The following TMEM132D variants were observed in gnomAD, a reference collection of about 807,000 sequenced individuals.
TMEM132D encodes mature OL transmembrane protein.
TMEM132D carries 21 observed loss-of-function variants against 62.3 expected under a neutral mutation model. The observed-to-expected ratio is 0.34, with a 90% CI of 0.24 to 0.49. The LOEUF (loss-of-function observed/expected upper bound fraction) is 0.49, where lower values mean the gene tolerates loss of function less well. TMEM132D is among the 20% of genes least tolerant of loss of function. The pLI is 0.99. For missense variants in TMEM132D, 1,346 were observed against 1,402.8 expected, an observed-to-expected ratio of 0.96 and a Z score of 0.65; for synonymous variants, 621 against 575.6, an observed-to-expected ratio of 1.08 and a Z score of -1.13.
chr12:129,474,440 T>C (rs1403727014), intron 3 of TMEM132D, among the ~76,000 whole-genome samples: 1 of 152,222 alleles, frequency 6.6e-6, no homozygotes, highest in African/African-American at 2.4e-5. Context: ...TGAGCTATTT[T>C]GCCCAAGTTC....
At chr12:129,271,109 A>G (rs532071127) in intron 4 of TMEM132D, among the ~76,000 whole-genome samples, 7 of 152,280 alleles carry the variant, frequency 4.6e-5, no homozygotes, top group African/African-American at 1.7e-4. Context: ...TCCCAAAGCA[A>G]TAGGTTTTAA....
rs147759449 is a variant in TMEM132D at position 129,443,102 on chromosome 12, G to A, written c.1115+87957C>T. 4.1e-3 allele frequency among the ~76,000 whole-genome samples: 625 copies of A among 152,250 alleles called. 10 individuals carry two copies. Among genetic ancestry groups the A allele is most frequent in the African/African-American group, 0.014 (595 of 41,544 alleles). ...CAGAGCTCCCCTTGGGGTCGGCTGA[G>A]GCTGTTGTTGAAACTGCCTCAGAGT... On this transcript the variant is annotated intron_variant, in intron 3 of 8. Transcript: ENST00000422113.
At chr12:129,170,251 G>T (rs1877684193) in intron 5 of TMEM132D, 4 of 152,200 alleles carry the variant, frequency 2.6e-5, no homozygotes, top group Admixed American at 1.3e-4. Context: ...TGGCAGCAAA[G>T]GTCCTTGGAG....
intron 2 of TMEM132D, among the ~76,000 whole-genome samples, chr12:129,563,264 C>A (rs982307708): frequency 1.6e-4 from 24 of 152,254 alleles, no homozygotes; most frequent in African/African-American, 5.8e-4. Flanking sequence ...TTCATAAAAC[C>A]TTCAAGATCT....
chr12:129,219,994 C>G (rs1879308629), intron 4 of TMEM132D, among the ~76,000 whole-genome samples: 1 of 152,150 alleles, frequency 6.6e-6, no homozygotes, highest in Non-Finnish European at 1.5e-5. Flanking sequence ...TATTTGTTCT[C>G]TAAAATATGT....
intron 2 of TMEM132D, among the ~76,000 whole-genome samples, chr12:129,595,718 T>A (rs948964823): frequency 6.6e-6 from 1 of 152,154 alleles, no homozygotes; most frequent in Non-Finnish European, 1.5e-5. Flanking sequence ...GGGGGCCAGA[T>A]GATAGGTGTG....
chr12:129,738,466 A>G (rs1471784067), intron 1 of TMEM132D, among the ~76,000 whole-genome samples: 1 of 152,234 alleles, frequency 6.6e-6, no homozygotes, highest in Non-Finnish European at 1.5e-5. Flanking sequence ...ATGCAACAAC[A>G]TACAGCAAGT....
intron 5 of TMEM132D, chr12:129,085,951 A>G (rs1052176297): frequency 3.9e-5 from 6 of 152,246 alleles, no homozygotes; most frequent in Non-Finnish European, 8.8e-5. Context: ...GGGAGACTAA[A>G]TAATAGCTCC....
At chr12:129,870,428 T>G (rs1453182960) in intron 1 of TMEM132D, among the ~76,000 whole-genome samples, 1 of 152,196 alleles carries the variant, frequency 6.6e-6, no homozygotes, top group Non-Finnish European at 1.5e-5. Flanking sequence ...TTTCATCGAC[T>G]GCCCTTACAT....
At chr12:129,817,806 G>A (rs1872400191) in intron 1 of TMEM132D, among the ~76,000 whole-genome samples, 1 of 143,318 alleles carries the variant, frequency 7.0e-6, no homozygotes, top group African/African-American at 2.6e-5. Flanking sequence ...GTGTGTGGGG[G>A]GGTCTGTGTG....
At chr12:129,258,132 G>A (rs527749727) in intron 4 of TMEM132D, among the ~76,000 whole-genome samples, 3 of 152,200 alleles carry the variant, frequency 2.0e-5, no homozygotes, top group East Asian at 3.9e-4. Context: ...AATCCTTTCC[G>A]GCTGGCTGAT....
At chr12:129,460,734 T>C (rs1201395198) in intron 3 of TMEM132D, among the ~76,000 whole-genome samples, 1 of 152,180 alleles carries the variant, frequency 6.6e-6, no homozygotes, top group Admixed American at 6.5e-5. Context: ...GAGTGCTATA[T>C]ATGACATGTT....
chr12:129,303,118 C>T (rs1210945784), intron 4 of TMEM132D, among the ~76,000 whole-genome samples: 2 of 152,166 alleles, frequency 1.3e-5, no homozygotes, highest in African/African-American at 4.8e-5. Flanking sequence ...CCAGTTTTCA[C>T]CATCAGGGTG....
chr12:129,231,113 A>C (rs1274408361), intron 4 of TMEM132D, among the ~76,000 whole-genome samples: 1 of 152,204 alleles, frequency 6.6e-6, no homozygotes, highest in Non-Finnish European at 1.5e-5. Context: ...ACCACATCAG[A>C]ATATAACCTT....
intron 2 of TMEM132D, among the ~76,000 whole-genome samples, chr12:129,629,121 T>C (rs978200912): frequency 5.3e-5 from 8 of 152,110 alleles, no homozygotes; most frequent in Admixed American, 1.3e-4. Flanking sequence ...TCTCACCACC[T>C]GCCTTCTACC....
intron 3 of TMEM132D, among the ~76,000 whole-genome samples, chr12:129,388,200 A>G: frequency 8.0e-6 from 1 of 125,766 alleles, no homozygotes; most frequent in Non-Finnish European, 1.8e-5. Flanking sequence ...AGACCAATTC[A>G]GCACTGATAA....
intron 3 of TMEM132D, among the ~76,000 whole-genome samples, chr12:129,361,775 T>C (rs1281011796): frequency 6.6e-6 from 1 of 152,220 alleles, no homozygotes; most frequent in East Asian, 1.9e-4. Flanking sequence ...TTTGTACTAC[T>C]TGATCCCCAC....
chr12:129,891,328 C>T (rs759706381), intron 1 of TMEM132D, among the ~76,000 whole-genome samples: 5 of 152,158 alleles, frequency 3.3e-5, no homozygotes, highest in Non-Finnish European at 7.3e-5. Context: ...CAACTCATCT[C>T]GGGGCAAAGG....
chr12:129,304,261 G>T lies in TMEM132D; in HGVS notation c.1299+33373C>A, dbSNP rs142978143. ...CTCTACACTTGCAACACCATGCAAAGACCAGGTCATGGCCTGAGCGATCCC... is the reference window on the plus strand; with the variant it reads ...CTCTACACTTGCAACACCATGCAAATACCAGGTCATGGCCTGAGCGATCCC... On this transcript the variant is annotated intron_variant, in intron 4 of 8. Transcript: ENST00000422113. Among the ~76,000 whole-genome samples the T allele has an allele frequency of 4.4e-3, 674 of 152,230 alleles. 7 individuals carry two copies. Among genetic ancestry groups the T allele is most frequent in the African/African-American group, 0.016 (650 of 41,522 alleles).
Sources: allele counts gnomAD v4.1 joint callset (sites outside exome capture counted in the v4.1 genomes callset), GRCh38; gene constraint gnomAD v4.1.1; transcripts MANE v1.5; gene names NCBI Gene and HGNC (gene_info 2026-07-23, HGNC 2026-07-21).